Variants in PTGER4 observed in about 807,000 individuals in gnomAD.
The protein encoded by PTGER4 is prostaglandin E2 receptor EP4 subtype.
In PTGER4, 11 loss-of-function variants were observed where a neutral mutation model predicts 33.2. That is an observed-to-expected ratio of 0.33 (90% CI 0.21 to 0.55). The LOEUF (loss-of-function observed/expected upper bound fraction) is 0.55, where lower values mean the gene tolerates loss of function less well. Among genes scored for constraint, PTGER4 ranks in the 20% least tolerant of loss-of-function variants. The pLI, the probability that PTGER4 is intolerant of heterozygous loss-of-function variation, is 0.92. For missense variants in PTGER4, 481 were observed against 650.2 expected, an observed-to-expected ratio of 0.74 and a Z score of 2.83; for synonymous variants, 275 against 281.5, an observed-to-expected ratio of 0.98 and a Z score of 0.23.
the PTGER4 span, among the ~76,000 whole-genome samples, chr5:40,705,089 G>A: frequency 1.3e-5 from 2 of 151,934 alleles, no homozygotes; most frequent in African/African-American, 4.8e-5. Context: ...ATGAGGCTAC[G>A]GTGACCAAAA....
chr5:40,694,631 T>A (rs1033450312), downstream of PTGER4, among the ~76,000 whole-genome samples: 2 of 149,786 alleles, frequency 1.3e-5, no homozygotes, highest in Non-Finnish European at 2.9e-5. Context: ...TCTCTCCTTA[T>A]AAGGACACTA....
At chr5:40,720,924 C>T in the PTGER4 span, among the ~76,000 whole-genome samples, 1 of 152,224 alleles carries the variant, frequency 6.6e-6, no homozygotes, top group Admixed American at 6.5e-5. Flanking sequence ...GTACTGGTTT[C>T]TGTCTTGCCT....
At chr5:40,695,315 A>G (rs1452091801), downstream of PTGER4, among the ~76,000 whole-genome samples, 1 of 152,068 alleles carries the variant, frequency 6.6e-6, no homozygotes, top group East Asian at 1.9e-4. Context: ...GAGGCTGAGG[A>G]GGGCAGATCA....
chr5:40,731,253 T>C, the PTGER4 span, among the ~76,000 whole-genome samples: 1 of 152,128 alleles, frequency 6.6e-6, no homozygotes, highest in South Asian at 2.1e-4. Flanking sequence ...GTTGGACTGT[T>C]TGTCCAATCT....
At chr5:40,697,670 A>G (rs900456271), downstream of PTGER4, among the ~76,000 whole-genome samples, 5 of 117,224 alleles carry the variant, frequency 4.3e-5, no homozygotes, top group Non-Finnish European at 3.5e-5. Context: ...AGGGAGTGTT[A>G]TAGTTCTATT....
At chr5:40,699,820 G>A in the PTGER4 span, among the ~76,000 whole-genome samples, 188 of 151,960 alleles carry the variant, frequency 1.2e-3, 1 homozygote, top group African/African-American at 4.4e-3. Flanking sequence ...GACTAGTAAG[G>A]GAACTTTCTC....
At chr5:40,738,338 C>G in the PTGER4 span, among the ~76,000 whole-genome samples, 1 of 151,602 alleles carries the variant, frequency 6.6e-6, no homozygotes, top group African/African-American at 2.4e-5. Flanking sequence ...TTGCTTGAAC[C>G]CGGGAGGTGG....
At chr5:40,722,645 G>C in the PTGER4 span, among the ~76,000 whole-genome samples, 1 of 151,616 alleles carries the variant, frequency 6.6e-6, no homozygotes, top group Non-Finnish European at 1.5e-5. Flanking sequence ...GCCCCGTCTG[G>C]GAAGTGAGGC....
the PTGER4 span, among the ~76,000 whole-genome samples, chr5:40,709,002 T>C: frequency 6.6e-6 from 1 of 152,182 alleles, no homozygotes; most frequent in Non-Finnish European, 1.5e-5. Context: ...CTAAAAACTC[T>C]CAATAAATTA....
chr5:40,704,357 G>A, the PTGER4 span, among the ~76,000 whole-genome samples: 6 of 152,258 alleles, frequency 3.9e-5, no homozygotes, highest in African/African-American at 1.4e-4. Context: ...AGCCATCTAT[G>A]ACAAACCCAC....
the PTGER4 span, among the ~76,000 whole-genome samples, chr5:40,738,307 G>A: frequency 3.3e-5 from 5 of 151,686 alleles, no homozygotes; most frequent in African/African-American, 7.3e-5. Context: ...CCAGCTAGTC[G>A]GGAGTGCTGA....
intron 2 of PTGER4, among the ~76,000 whole-genome samples, chr5:40,689,940 TACC>T (rs1741428348): frequency 6.6e-6 from 1 of 152,190 alleles, no homozygotes; most frequent in Non-Finnish European, 1.5e-5. Flanking sequence ...CTATGTGAAT[TACC>T]ACTACTACTA....
chr5:40,712,740 T>C, the PTGER4 span, among the ~76,000 whole-genome samples: 1 of 152,152 alleles, frequency 6.6e-6, no homozygotes, highest in Non-Finnish European at 1.5e-5. Flanking sequence ...CCTCCTTTCC[T>C]GGTGAAGTGA....
chr5:40,706,824 T>G, the PTGER4 span, among the ~76,000 whole-genome samples: 6 of 152,192 alleles, frequency 3.9e-5, no homozygotes, highest in Non-Finnish European at 7.4e-5. Context: ...GACTCACAGC[T>G]GATCTCTCGG....
the PTGER4 span, chr5:40,728,561 TA>T: frequency 1.6e-4 from 210 of 1,315,890 alleles, 1 homozygote; most frequent in African/African-American, 2.9e-3. Context: ...TTTTTTAAGA[TA>T]TATTTTTAGT....
At chr5:40,705,582 G>A in the PTGER4 span, among the ~76,000 whole-genome samples, 3 of 152,044 alleles carry the variant, frequency 2.0e-5, no homozygotes, top group Non-Finnish European at 2.9e-5. Flanking sequence ...TGCATCTGAC[G>A]AAGGTCTAAT....
At chr5:40,720,876 A>C in the PTGER4 span, among the ~76,000 whole-genome samples, 3 of 152,214 alleles carry the variant, frequency 2.0e-5, no homozygotes, top group African/African-American at 4.8e-5. Context: ...AATTGGTCTG[A>C]GTGTCCAATG....
At chr5:40,727,352 T>C in the PTGER4 span, among the ~76,000 whole-genome samples, 6 of 152,302 alleles carry the variant, frequency 3.9e-5, no homozygotes, top group African/African-American at 1.4e-4. Context: ...AAACACTTGT[T>C]AGGAAGTTAA....
chr5:40,736,580 C>A, the PTGER4 span, among the ~76,000 whole-genome samples: 1 of 151,982 alleles, frequency 6.6e-6, no homozygotes, highest in Non-Finnish European at 1.5e-5. Context: ...TAGAAAAAGC[C>A]ACTTGAACAA....
Sources: gnomAD v4.1 joint callset for allele counts (sites outside exome capture counted in the v4.1 genomes callset) on GRCh38, gnomAD v4.1.1 for gene constraint, MANE v1.5 for transcripts, NCBI Gene and HGNC (gene_info 2026-07-23, HGNC 2026-07-21) for gene names.